CSMD1: variants seen among roughly 807,000 people sequenced by gnomAD.
The protein encoded by CSMD1 is CUB and sushi domain-containing protein 1.
Under a neutral mutation model 417.5 loss-of-function variants are expected in CSMD1, and 213 were observed. That is an observed-to-expected ratio of 0.51 (90% CI 0.46 to 0.57). The LOEUF (loss-of-function observed/expected upper bound fraction) is 0.57, where lower values mean the gene tolerates loss of function less well. Among genes scored for constraint, CSMD1 ranks in the 20% least tolerant of loss-of-function variants. CSMD1 has a pLI of 0.00. For missense variants in CSMD1, 6,923 were observed against 4,529.7 expected, an observed-to-expected ratio of 1.53 and a Z score of -15.17; for synonymous variants, 2,862 against 1,736.8, an observed-to-expected ratio of 1.65 and a Z score of -16.11.
At chr8:3,923,213 G>A (rs1368733331) in intron 5 of CSMD1, among the ~76,000 whole-genome samples, 1 of 152,100 alleles carries the variant, frequency 6.6e-6, no homozygotes. Flanking sequence ...CTGGAGCTCA[G>A]GCTATTGTTT....
chr8:3,149,052 C>A (rs774329950), intron 40 of CSMD1, among the ~76,000 whole-genome samples: 1 of 152,144 alleles, frequency 6.6e-6, no homozygotes, highest in East Asian at 1.9e-4. Context: ...AGATTTACAT[C>A]AGTTTAAAGA....
intron 1 of CSMD1, among the ~76,000 whole-genome samples, chr8:4,975,235 AG>A (rs1273724880): frequency 1.3e-5 from 2 of 152,222 alleles, no homozygotes; most frequent in Non-Finnish European, 2.9e-5. Context: ...TCAGAAAAAA[AG>A]TCTCCAAGGA....
chr8:4,002,247 G>T (rs1010687872), intron 4 of CSMD1, among the ~76,000 whole-genome samples: 14 of 152,064 alleles, frequency 9.2e-5, no homozygotes, highest in Admixed American at 1.3e-4. Context: ...GCGTGTGTTT[G>T]TGTGTATGTG....
chr8:3,754,908 T>C (rs1309796380), intron 5 of CSMD1, among the ~76,000 whole-genome samples: 3 of 152,340 alleles, frequency 2.0e-5, no homozygotes, highest in African/African-American at 7.2e-5. Context: ...ATGAGATTGA[T>C]GACAAGAACT....
chr8:4,255,195 C>T (rs1184297521), intron 3 of CSMD1, among the ~76,000 whole-genome samples: 1 of 152,124 alleles, frequency 6.6e-6, no homozygotes, highest in East Asian at 1.9e-4. Flanking sequence ...TGATGGGTGC[C>T]AACTAATTTT....
At chr8:3,336,885 T>A (rs1807299678) in intron 23 of CSMD1, among the ~76,000 whole-genome samples, 1 of 152,160 alleles carries the variant, frequency 6.6e-6, no homozygotes, top group Non-Finnish European at 1.5e-5. Flanking sequence ...GGTCAGATCC[T>A]AGTCCAACAA....
At chr8:3,871,595 T>C (rs1805486184) in intron 5 of CSMD1, among the ~76,000 whole-genome samples, 1 of 152,218 alleles carries the variant, frequency 6.6e-6, no homozygotes, top group African/African-American at 2.4e-5. Flanking sequence ...ATTAGGAATA[T>C]TAGTCTTCAA....
At chr8:3,717,586 A>G (rs958216154) in intron 6 of CSMD1, among the ~76,000 whole-genome samples, 4 of 152,196 alleles carry the variant, frequency 2.6e-5, no homozygotes, top group Non-Finnish European at 5.9e-5. Context: ...AATAATCAAG[A>G]AGAAAATGTA....
chr8:3,761,978 T>A (rs935288889), intron 5 of CSMD1, among the ~76,000 whole-genome samples: 1 of 152,110 alleles, frequency 6.6e-6, no homozygotes, highest in African/African-American at 2.4e-5. Context: ...TAAGCATCCC[T>A]CTTGGTGACA....
intron 2 of CSMD1, among the ~76,000 whole-genome samples, chr8:4,431,201 A>G (rs764800932): frequency 6.6e-6 from 1 of 152,178 alleles, no homozygotes; most frequent in Non-Finnish European, 1.5e-5. Flanking sequence ...AGTTTATTCC[A>G]GGTCTGTTTT....
chr8:4,555,557 T>G (rs1338118308), intron 2 of CSMD1, among the ~76,000 whole-genome samples: 3 of 152,152 alleles, frequency 2.0e-5, no homozygotes, highest in Non-Finnish European at 4.4e-5. Context: ...CTGTTACAAT[T>G]GCCTCCAGGA....
At chr8:3,786,270 A>C (rs545644645) in intron 5 of CSMD1, among the ~76,000 whole-genome samples, 10 of 152,124 alleles carry the variant, frequency 6.6e-5, no homozygotes, top group African/African-American at 2.4e-4. Flanking sequence ...GAGTGGATAC[A>C]TGGGCATGGA....
intron 25 of CSMD1, among the ~76,000 whole-genome samples, chr8:3,298,007 G>T (rs1804099312): frequency 6.6e-6 from 1 of 152,124 alleles, no homozygotes; most frequent in African/African-American, 2.4e-5. Flanking sequence ...TGTTTACCTT[G>T]ATCAGTCGTC....
chr8:4,211,637 C>G (rs951557152), intron 3 of CSMD1, among the ~76,000 whole-genome samples: 4 of 152,156 alleles, frequency 2.6e-5, no homozygotes, highest in Admixed American at 6.5e-5. Context: ...AATATCCCAT[C>G]GTACTAAAAT....
intron 25 of CSMD1, among the ~76,000 whole-genome samples, chr8:3,302,690 G>A (rs1804511450): frequency 6.6e-6 from 1 of 152,192 alleles, no homozygotes. Flanking sequence ...AAGAGGAGAT[G>A]TGATCTGTCA....
chr8:4,694,903 A>T (rs1807015700), intron 1 of CSMD1, among the ~76,000 whole-genome samples: 5 of 152,170 alleles, frequency 3.3e-5, no homozygotes, highest in Admixed American at 2.6e-4. Flanking sequence ...TCCAAAATCC[A>T]ATCTATAGCC....
intron 1 of CSMD1, among the ~76,000 whole-genome samples, chr8:4,642,386 C>A (rs1042992468): frequency 6.6e-6 from 1 of 152,158 alleles, no homozygotes; most frequent in Non-Finnish European, 1.5e-5. Flanking sequence ...CTCTGAACAC[C>A]CCCCTACAGT....
intron 5 of CSMD1, among the ~76,000 whole-genome samples, chr8:3,969,507 C>G (rs772970543): frequency 4.6e-5 from 7 of 152,062 alleles, no homozygotes; most frequent in African/African-American, 1.2e-4. Flanking sequence ...TTCCCTTGTA[C>G]AAGTTATTTA....
intron 3 of CSMD1, among the ~76,000 whole-genome samples, chr8:4,156,874 C>T (rs1187416190): frequency 6.6e-6 from 1 of 152,158 alleles, no homozygotes; most frequent in Admixed American, 6.5e-5. Flanking sequence ...GCTTAAGTCT[C>T]CTCATACATA....
Sources: allele counts gnomAD v4.1 joint callset (sites outside exome capture counted in the v4.1 genomes callset), GRCh38; gene constraint gnomAD v4.1.1; transcripts MANE v1.5; gene names NCBI Gene and HGNC (gene_info 2026-07-23, HGNC 2026-07-21).